The following HEATR5A variants were observed in gnomAD, a reference collection of about 807,000 sequenced individuals.
HEATR5A encodes the protein HEAT repeat containing 5A.
HEATR5A carries 178 observed loss-of-function variants against 218.8 expected under a neutral mutation model. The ratio of observed to expected loss-of-function variants is 0.81; its 90% confidence interval spans 0.72 to 0.92. The LOEUF (loss-of-function observed/expected upper bound fraction) is 0.92, where lower values mean the gene tolerates loss of function less well. Ranked by LOEUF, HEATR5A falls within the 40% of genes least tolerant of loss-of-function variation. The pLI is 0.00. For missense variants in HEATR5A, 2,420 were observed against 2,418.9 expected, an observed-to-expected ratio of 1.00 and a Z score of -0.01; for synonymous variants, 864 against 871.6, an observed-to-expected ratio of 0.99 and a Z score of 0.15.
chr14:31,349,736 T>C, intron 18 of HEATR5A, 53 bp downstream of exon 18: 1 of 1,219,472 alleles, frequency 8.2e-7, no homozygotes, highest in Non-Finnish European at 1.2e-6. Context: ...GCCAGAAAGC[T>C]ATACCCAGTT....
At chr14:31,305,696 C>T (rs1477877490) in intron 31 of HEATR5A, among the ~76,000 whole-genome samples, 1 of 152,302 alleles carries the variant, frequency 6.6e-6, no homozygotes, top group East Asian at 1.9e-4. Flanking sequence ...ATCCTGTCAG[C>T]CTTACAATAT....
Position 31,323,570 on chromosome 14 carries a change from G to C in HEATR5A, c.3782C>G (p.Ser1261Ter), listed in dbSNP as rs1900173935. The C allele has an allele frequency of 6.3e-7, 1 of 1,593,956 alleles. No homozygotes were observed. The highest frequency in any genetic ancestry group is 8.6e-7 in the Non-Finnish European group (1 of 1,169,002). ...TTCATCACTATGTCACTTACTTCTT[G>C]AATCTCTTTTTTTCATTTCTTGTGC... is the stretch of plus-strand genomic sequence containing the variant. ...ALAQEMKKRD[S>*]RNDFLVLHLA... is the part of the protein sequence containing the mutation. Residue 1261 changes from serine (S) to a stop codon, truncating the protein, a stop_gained, in exon 24 of 36, where the codon TCA becomes TGA. Transcript: ENST00000543095. LOFTEE classifies it high-confidence loss of function.
At position 31,293,588 on chromosome 14, in the gene HEATR5A, A is replaced by T. The variant is rs754627720; in HGVS notation, c.5858T>A (p.Leu1953Ter). The part of the protein sequence containing the change: ...HHRAQLVACL[L>*]PILISFLLDE... ...CAAAAGGAAGGAAATGAGGATGGGCAAAAGACAGGCCACCAGCTGAGCGCC... is the reference window on the plus strand; with the variant it reads ...CAAAAGGAAGGAAATGAGGATGGGCTAAAGACAGGCCACCAGCTGAGCGCC... Residue 1953 changes from leucine (L) to a stop codon, truncating the protein, a stop_gained, in exon 36 of 36, where the codon TTG becomes TAG. Transcript: ENST00000543095. LOFTEE classifies it high-confidence loss of function. 5 of 1,611,778 alleles carry T rather than the reference A, an allele frequency of 3.1e-6. No individual in the cohort carries two copies. In the Admixed American group the frequency reaches 8.4e-5, roughly 27 times the overall value.
chr14:31,374,295 C>T (rs1031435246), intron 12 of HEATR5A, among the ~76,000 whole-genome samples: 2 of 101,168 alleles, frequency 2.0e-5, no homozygotes, highest in Non-Finnish European at 4.0e-5. Context: ...CAGTGAGACC[C>T]TATCTCAAAA....
chr14:31,383,832 A>T (rs2139277282), intron 9 of HEATR5A, 61 bp from the exon 10 acceptor site: 1 of 1,369,320 alleles, frequency 7.3e-7, no homozygotes, highest in Non-Finnish European at 1.0e-6. Flanking sequence ...ACCATAAAAT[A>T]GTCAAAAGAA....
intron 21 of HEATR5A, among the ~76,000 whole-genome samples, chr14:31,339,449 C>CAAAAAAAAAA (rs55998911): frequency 1.5e-5 from 1 of 67,428 alleles, no homozygotes; most frequent in African/African-American, 5.8e-5. Flanking sequence ...AACTGTGTCT[C>CAAAAAAAAAA]AAAAAAAAAA....
At chr14:31,348,568 G>A (rs1478154367) in intron 18 of HEATR5A, among the ~76,000 whole-genome samples, 2 of 152,158 alleles carry the variant, frequency 1.3e-5, no homozygotes, top group African/African-American at 2.4e-5. Flanking sequence ...GGGTGACAGA[G>A]CAAGACGTTG....
chr14:31,305,219 C>T (rs1184608356), intron 31 of HEATR5A, 42 bp from the exon 32 acceptor site: 2 of 1,578,412 alleles, frequency 1.3e-6, no homozygotes, highest in Non-Finnish European at 1.7e-6. Context: ...GCTTGCTCTG[C>T]TTCTGGTAGA....
intron 33 of HEATR5A, among the ~76,000 whole-genome samples, chr14:31,299,680 G>A (rs993317761): frequency 5.3e-5 from 8 of 150,438 alleles, no homozygotes; most frequent in African/African-American, 2.0e-4. Flanking sequence ...CCAAGATCGC[G>A]CCATTGCACT....
intron 22 of HEATR5A, among the ~76,000 whole-genome samples, chr14:31,326,672 C>T (rs1292457053): frequency 6.6e-6 from 1 of 152,098 alleles, no homozygotes; most frequent in Non-Finnish European, 1.5e-5. Context: ...GACAGAATTT[C>T]ACTCTTGTTG....
intron 9 of HEATR5A, among the ~76,000 whole-genome samples, chr14:31,384,783 T>C (rs1006029851): frequency 2.0e-5 from 3 of 152,034 alleles, no homozygotes; most frequent in South Asian, 4.1e-4. Context: ...CACCTCACCT[T>C]CCCAAAGTGC....
intron 4 of HEATR5A, among the ~76,000 whole-genome samples, chr14:31,396,407 G>T (rs2030655410): frequency 1.3e-5 from 2 of 151,714 alleles, no homozygotes; most frequent in Admixed American, 1.3e-4. Context: ...CTGCACCACT[G>T]AACTCCAGCC....
At chr14:31,358,472 C>A (rs937682938) in intron 16 of HEATR5A, among the ~76,000 whole-genome samples, 165 bp downstream of exon 16, 4 of 152,046 alleles carry the variant, frequency 2.6e-5, no homozygotes, top group South Asian at 2.1e-4. Flanking sequence ...GGCATTTAAT[C>A]ATTTCTTATT....
chr14:31,406,925 C>A (rs1441547325), intron 1 of HEATR5A, among the ~76,000 whole-genome samples: 1 of 131,622 alleles, frequency 7.6e-6, no homozygotes, highest in African/African-American at 2.9e-5. Context: ...CAAGATCACG[C>A]CATTGCATTC....
At chr14:31,336,201 TATATATACATACATAC>T (rs1566758991) in intron 22 of HEATR5A, among the ~76,000 whole-genome samples, 1 of 11,672 alleles carries the variant, frequency 8.6e-5, no homozygotes, top group Non-Finnish European at 3.4e-4. Context: ...GGGTTATTTT[TATATATACATACATAC>T]ATATATATAT....
chr14:31,306,610 C>T, intron 31 of HEATR5A, 122 bp downstream of exon 31: 2 of 1,004,436 alleles, frequency 2.0e-6, no homozygotes, highest in South Asian at 2.3e-5. Flanking sequence ...TAAGGCCATG[C>T]CTAGACATGT....
intron 20 of HEATR5A, among the ~76,000 whole-genome samples, chr14:31,344,364 G>C (rs79627795): frequency 0.29 from 41,296 of 142,092 alleles, 6,849 homozygotes; most frequent in Middle Eastern, 0.4. Context: ...AGCAACCCCC[G>C]GCTTCCGGGT....
intron 16 of HEATR5A, among the ~76,000 whole-genome samples, chr14:31,353,631 G>A (rs530564880): frequency 6.6e-6 from 1 of 152,168 alleles, no homozygotes; most frequent in Admixed American, 6.5e-5. Context: ...AGCTACTTAG[G>A]AAGCTGAGGC....
chr14:31,369,684 T>C (rs772565939), intron 13 of HEATR5A, among the ~76,000 whole-genome samples: 1 of 146,762 alleles, frequency 6.8e-6, no homozygotes, highest in Admixed American at 6.9e-5. Context: ...TCCCAGCAAT[T>C]TGGGAGGCCG....
Sources: allele counts gnomAD v4.1 joint callset (sites outside exome capture counted in the v4.1 genomes callset), GRCh38; gene constraint gnomAD v4.1.1; transcripts MANE v1.5; gene names NCBI Gene and HGNC (gene_info 2026-07-23, HGNC 2026-07-21).